CDK17: variants seen among roughly 807,000 people sequenced by gnomAD.
The protein encoded by CDK17 is cyclin dependent kinase 17.
A neutral mutation model predicts 77.6 loss-of-function variants in CDK17; 24 were observed. That is an observed-to-expected ratio of 0.31 (90% CI 0.22 to 0.44). The LOEUF (loss-of-function observed/expected upper bound fraction) is 0.44, where lower values mean the gene tolerates loss of function less well. Ranked by LOEUF, CDK17 falls within the 20% of genes least tolerant of loss-of-function variation. The pLI is 1.00. For synonymous variants in CDK17, 203 were observed against 210.4 expected, an observed-to-expected ratio of 0.96 and a Z score of 0.30; for missense variants, 429 against 622.5, an observed-to-expected ratio of 0.69 and a Z score of 3.31.
chr12:96,334,101 G>C (rs1363702405), intron 2 of CDK17, among the ~76,000 whole-genome samples: 1 of 152,144 alleles, frequency 6.6e-6, no homozygotes, highest in Non-Finnish European at 1.5e-5. Flanking sequence ...CAGATACTCT[G>C]CACATCATGA....
At chr12:96,316,544 T>A (rs1465221443) in intron 3 of CDK17, among the ~76,000 whole-genome samples, 4 of 149,126 alleles carry the variant, frequency 2.7e-5, no homozygotes, top group African/African-American at 7.5e-5. Flanking sequence ...CTCTGCAGAC[T>A]TAAATGTCCC....
At chr12:96,290,126 G>C (rs2137071979) in intron 10 of CDK17, among the ~76,000 whole-genome samples, 1 of 152,292 alleles carries the variant, frequency 6.6e-6, no homozygotes, top group Admixed American at 6.5e-5. Context: ...ATGGCCCATG[G>C]GCCATGGGTT....
intron 1 of CDK17, among the ~76,000 whole-genome samples, chr12:96,354,848 C>T (rs1197239805): frequency 1.3e-5 from 2 of 152,172 alleles, no homozygotes; most frequent in East Asian, 3.9e-4. Context: ...CTCATCACTG[C>T]ACTCCAGCCT....
chr12:96,281,946 T>C (rs1952183971), intron 15 of CDK17: 1 of 152,202 alleles, frequency 6.6e-6, no homozygotes, highest in African/African-American at 2.4e-5. Context: ...TAAAGTAAAA[T>C]ACTGTGGTAA....
chr12:96,387,095 G>T, intron 1 of CDK17: 1 of 337,316 alleles, frequency 3.0e-6, no homozygotes, highest in South Asian at 3.1e-5. Context: ...GTATCACGGT[G>T]ACATCCACAC....
At chr12:96,316,683 C>T (rs1592723448) in intron 3 of CDK17, among the ~76,000 whole-genome samples, 1 of 127,268 alleles carries the variant, frequency 7.9e-6, no homozygotes, top group Non-Finnish European at 1.7e-5. Context: ...TGAGGCACCC[C>T]CCAGCAGGGG....
chr12:96,362,741 A>T (rs1462671039), intron 1 of CDK17, among the ~76,000 whole-genome samples: 1 of 152,184 alleles, frequency 6.6e-6, no homozygotes, highest in African/African-American at 2.4e-5. Context: ...CTAACCACAT[A>T]CAATTTTTTT....
intron 6 of CDK17, 40 bp from the exon 7 acceptor site, chr12:96,299,023 T>G: frequency 1.0e-6 from 1 of 991,568 alleles, no homozygotes; most frequent in Non-Finnish European, 1.6e-6. Flanking sequence ...AAAAGTATCA[T>G]AAGAGTCTAT....
chr12:96,338,069 T>A lies in CDK17; in HGVS notation c.-29-3204A>T, dbSNP rs561138280. 2.0e-5 allele frequency among the ~76,000 whole-genome samples: 3 copies of A among 152,314 alleles called. No individual in the cohort carries two copies. The East Asian group carries it at 5.8e-4, about 29-fold the overall frequency. ...GGGGCTCTGGCCCACACTATATCAG[T>A]TTGATTTCTTAGGTGAGGAAGGACC... On this transcript the variant is annotated intron_variant, in intron 1 of 16. Coordinates refer to ENST00000261211, the MANE Select transcript of CDK17 (RefSeq NM_002595.5).
At position 96,297,685 on chromosome 12, in the gene CDK17, A is replaced by G; in HGVS notation, c.752T>C (p.Val251Ala). 1 of 1,604,820 alleles carries G rather than the reference A, an allele frequency of 6.2e-7. No individual in the cohort carries two copies. Among genetic ancestry groups the G allele is most frequent in the Non-Finnish European group, 8.5e-7 (1 of 1,172,852 alleles). The change falls in exon 8 of 17, where the codon GTA becomes GCA. Residue 251 changes from valine to alanine, a missense_variant. Val to Ala is a moderately conservative substitution (Grantham distance 64). Transcript: ENST00000261211. ...LLKDLKHANI[V>A]TLHDIVHTDK... ...TGTGTGAACAATGTCATGTAAGGTT[A>G]CTATATTTGCATGTTTTAAATCCTT... is the stretch of plus-strand genomic sequence containing the variant.
chr12:96,372,753 AAAT>A (rs372542136), intron 1 of CDK17, among the ~76,000 whole-genome samples: 5 of 152,234 alleles, frequency 3.3e-5, no homozygotes, highest in African/African-American at 1.2e-4. Context: ...TAAATAGAAA[AAAT>A]AAAGAAATTA....
At chr12:96,345,616 A>G (rs1410782313) in intron 1 of CDK17, among the ~76,000 whole-genome samples, 3 of 152,214 alleles carry the variant, frequency 2.0e-5, no homozygotes, top group African/African-American at 7.2e-5. Context: ...CATAAAATAT[A>G]AAAAGGTAAT....
chr12:96,304,621 T>C (rs965678168), intron 5 of CDK17, among the ~76,000 whole-genome samples: 4 of 152,208 alleles, frequency 2.6e-5, no homozygotes, highest in African/African-American at 9.6e-5. Context: ...ACCGAGTTAC[T>C]GTTAACGAAA....
At chr12:96,283,717 T>C (rs1036881858) in intron 13 of CDK17, 72 bp from the exon 14 acceptor site, 3 of 990,914 alleles carry the variant, frequency 3.0e-6, no homozygotes, top group Non-Finnish European at 4.7e-6. Flanking sequence ...AAAACTATTT[T>C]CTAAGTGTTT....
chr12:96,324,631 G>C (rs996737154), intron 2 of CDK17, among the ~76,000 whole-genome samples: 8 of 152,110 alleles, frequency 5.3e-5, no homozygotes, highest in African/African-American at 1.9e-4. Context: ...GCTGGGCATG[G>C]TGGCATGCGC....
chr12:96,294,611 A>AT (rs71097274), intron 10 of CDK17, among the ~76,000 whole-genome samples: 2 of 121,254 alleles, frequency 1.6e-5, no homozygotes, highest in African/African-American at 3.1e-5. Flanking sequence ...AAAAAAAAAA[A>AT]GATATATTTT....
intron 1 of CDK17, among the ~76,000 whole-genome samples, chr12:96,367,058 C>G (rs1953596967): frequency 6.6e-6 from 1 of 151,938 alleles, no homozygotes. Context: ...ATTAAGAAAT[C>G]TTATGGCCAT....
chr12:96,323,529 T>TTGCAATTC (rs1255026057), intron 3 of CDK17, among the ~76,000 whole-genome samples: 4 of 151,906 alleles, frequency 2.6e-5, no homozygotes, highest in Admixed American at 6.6e-5. Flanking sequence ...AAACAGAAAC[T>TTGCAATTC]TGCAATTCTT....
At chr12:96,311,608 T>TTTTTTTTTTTTTTTTTTTTTTGAGACGG (rs1555200976) in intron 4 of CDK17, among the ~76,000 whole-genome samples, 1 of 148,366 alleles carries the variant, frequency 6.7e-6, no homozygotes, top group African/African-American at 2.5e-5. Context: ...CTACTTTATT[T>TTTTTTTTTTTTTTTTTTTTTTGAGACGG]AATTATACAA....
Sources: allele counts gnomAD v4.1 joint callset (sites outside exome capture counted in the v4.1 genomes callset), GRCh38; gene constraint gnomAD v4.1.1; transcripts MANE v1.5; gene names NCBI Gene and HGNC (gene_info 2026-07-23, HGNC 2026-07-21).